PCDHA10: variants seen among roughly 807,000 people sequenced by gnomAD.
PCDHA10 encodes the protein protocadherin alpha 10, also known as protocadherin alpha-10.
A neutral mutation model predicts 61.2 loss-of-function variants in PCDHA10; 45 were observed. The observed-to-expected ratio is 0.74, with a 90% CI of 0.58 to 0.94. PCDHA10 has a LOEUF of 0.94. PCDHA10 is among the 40% of genes least tolerant of loss of function. The pLI is 0.00. For synonymous variants in PCDHA10, 602 were observed against 548.8 expected (o/e 1.10, Z -1.35); for missense variants, 1,278 against 1,236.2 (o/e 1.03, Z -0.51).
At chr5:140,877,209 G>C in intron 1 of PCDHA10, 1 of 1,613,794 alleles carries the variant, frequency 6.2e-7, no homozygotes, top group African/African-American at 1.3e-5. Context: ...CAGTTAGCGA[G>C]TTGGTACCGC....
chr5:140,884,060 G>C (rs781956914), intron 1 of PCDHA10: 4 of 1,613,548 alleles, frequency 2.5e-6, no homozygotes, highest in Non-Finnish European at 3.4e-6. Context: ...GCGCGCGGTG[G>C]ACGCCGATTC....
At chr5:140,985,740 T>TG (rs1554247304) in intron 3 of PCDHA10, among the ~76,000 whole-genome samples, 2 of 53,688 alleles carry the variant, frequency 3.7e-5, no homozygotes, top group Admixed American at 1.9e-4. Flanking sequence ...GATGAATTCC[T>TG]TTTTTTTTTT....
At chr5:140,985,096 C>G (rs1486346952) in intron 3 of PCDHA10, among the ~76,000 whole-genome samples, 1 of 152,096 alleles carries the variant, frequency 6.6e-6, no homozygotes, top group Non-Finnish European at 1.5e-5. Context: ...TGCCACCAAG[C>G]CTGGCTAATT....
chr5:140,857,215 G>A lies in PCDHA10; in HGVS notation c.1167G>A (p.Thr389=). 6.3e-7 allele frequency: 1 copy of A among 1,598,474 alleles called. No homozygotes were observed. Residue 389 remains threonine, a synonymous_variant, in exon 1 of 4, where the codon ACG becomes ACA. Transcript: ENST00000307360. Reference sequence around the variant, plus strand: ...ACGGACAGGTCACCTGCTCTCTGACGCCTCACGTTCCGTTCAAGCTGGTGT... The same window carrying A: ...ACGGACAGGTCACCTGCTCTCTGACACCTCACGTTCCGTTCAAGCTGGTGT... The part of the protein sequence containing the change: ...GANGQVTCSL[T]PHVPFKLVST...
chr5:141,009,452 TAAAC>T (rs1226554195), intron 3 of PCDHA10, among the ~76,000 whole-genome samples, 171 bp from the exon 4 acceptor site: 1 of 152,120 alleles, frequency 6.6e-6, no homozygotes, highest in Non-Finnish European at 1.5e-5. Flanking sequence ...TCAAAAAAAT[TAAAC>T]AAATAAATAA....
intron 1 of PCDHA10, among the ~76,000 whole-genome samples, chr5:140,960,693 T>C (rs2095562408): frequency 6.6e-6 from 1 of 152,136 alleles, no homozygotes; most frequent in Non-Finnish European, 1.5e-5. Flanking sequence ...AATGAGGGTG[T>C]TCTTTAGTGC....
chr5:140,993,532 A>C (rs1159592677), intron 3 of PCDHA10, among the ~76,000 whole-genome samples: 1 of 151,984 alleles, frequency 6.6e-6, no homozygotes, highest in African/African-American at 2.4e-5. Flanking sequence ...ACAGAGAGAG[A>C]GAGAGATAGA....
intron 1 of PCDHA10, among the ~76,000 whole-genome samples, chr5:140,891,347 A>G (rs1554184792): frequency 6.6e-6 from 1 of 151,926 alleles, no homozygotes; most frequent in African/African-American, 2.4e-5. Context: ...ATTTTGGTGC[A>G]TCCATCACCT....
In PCDHA10 at chr5:140,858,669, A is replaced by G; in HGVS notation, c.2388+233A>G. The G allele has an allele frequency of 4.4e-6, 3 of 676,742 alleles. 1 individual carries two copies. Among genetic ancestry groups the G allele is most frequent in the Non-Finnish European group, 7.2e-6 (3 of 415,418 alleles). 41.9% of individuals were successfully genotyped at this position (676,742 alleles called of 1,614,324 possible). On this transcript the variant is annotated intron_variant, in intron 1 of 3. Coordinates refer to ENST00000307360, the MANE Select transcript of PCDHA10 (RefSeq NM_018901.4). ...CTTAAATTTTTTTAAATAACAATTT[A>G]TTCTGAATACACTAATATTTTCCAA...
Position 141,010,037 on chromosome 5 carries a change from C to A in PCDHA10, c.*100C>A. The A allele has an allele frequency of 1.3e-6, 2 of 1,582,242 alleles. No individual in the cohort carries two copies. The highest frequency in any genetic ancestry group is 1.2e-5 in the South Asian group (1 of 84,630). On this transcript the variant is annotated 3_prime_UTR_variant, in exon 4 of 4. Transcript: ENST00000307360. ...GCTCCTTTTTCCTATCTACATGAGC[C>A]CTCTTAGAGACCTCAGAAATCTGCA...
At chr5:140,881,382 C>A in intron 1 of PCDHA10, 1 of 984,112 alleles carries the variant, frequency 1.0e-6, no homozygotes, top group Non-Finnish European at 1.2e-6. Context: ...CAGCCGGCGG[C>A]GGTAAGTTAA....
intron 1 of PCDHA10, chr5:140,882,896 T>G (rs1554176010): frequency 6.2e-7 from 1 of 1,614,212 alleles, no homozygotes. Flanking sequence ...GGAACATAGT[T>G]TATTACTGAC....
At chr5:140,952,789 A>T (rs564361136) in intron 1 of PCDHA10, among the ~76,000 whole-genome samples, 1 of 152,316 alleles carries the variant, frequency 6.6e-6, no homozygotes, top group South Asian at 2.1e-4. Context: ...AAAGAGGTTT[A>T]ACTGGCTCGC....
chr5:140,997,817 A>G (rs570760153), intron 3 of PCDHA10, among the ~76,000 whole-genome samples: 2 of 152,306 alleles, frequency 1.3e-5, no homozygotes, highest in South Asian at 4.1e-4. Flanking sequence ...GTTGGTATCT[A>G]TGTTTTCTAA....
intron 3 of PCDHA10, among the ~76,000 whole-genome samples, chr5:140,991,829 G>A (rs530610195): frequency 3.3e-5 from 5 of 152,196 alleles, no homozygotes; most frequent in South Asian, 2.1e-4. Flanking sequence ...CATTTATAAC[G>A]GCAGAACCGC....
At chr5:140,883,758 G>T in intron 1 of PCDHA10, 1 of 1,612,920 alleles carries the variant, frequency 6.2e-7, no homozygotes, top group Non-Finnish European at 8.5e-7. Flanking sequence ...CTGGTGGAGC[G>T]GCGGGTGGGC....
Position 140,857,828 on chromosome 5 carries a change from C to G in PCDHA10, c.1780C>G (p.Arg594Gly), listed in dbSNP as rs781917564. 1 of 1,597,660 alleles carries G rather than the reference C, an allele frequency of 6.3e-7. No homozygotes were observed. Among genetic ancestry groups the G allele is most frequent in the South Asian group, 1.1e-5 (1 of 90,484 alleles). ...VVAGHVVAKV[R>G]AVDADSGYNA... The stretch of plus-strand genomic sequence containing the variant: ...TGCGGGTCACGTGGTGGCTAAGGTG[C>G]GCGCAGTGGACGCTGACTCTGGATA... Residue 594 changes from arginine to glycine, a missense_variant, in exon 1 of 4, where the codon CGC (arginine) becomes GGC (glycine). Arg to Gly is a moderately radical substitution (Grantham distance 125, BLOSUM62 -2). Transcript: ENST00000307360.
chr5:140,972,072 T>C (rs1380413898), intron 1 of PCDHA10, among the ~76,000 whole-genome samples: 1 of 152,212 alleles, frequency 6.6e-6, no homozygotes, highest in Non-Finnish European at 1.5e-5. Flanking sequence ...ATTAACTGCT[T>C]TTGGAAAAAG....
intron 3 of PCDHA10, among the ~76,000 whole-genome samples, chr5:140,987,901 T>C (rs1554249667): frequency 6.6e-6 from 1 of 152,180 alleles, no homozygotes. Context: ...TAGTTTTATA[T>C]GGGGATTTAT....
Sources: allele counts gnomAD v4.1 joint callset (sites outside exome capture counted in the v4.1 genomes callset), GRCh38; gene constraint gnomAD v4.1.1; transcripts MANE v1.5; gene names NCBI Gene and HGNC (gene_info 2026-07-23, HGNC 2026-07-21).